NEGR1: variants seen among roughly 807,000 people sequenced by gnomAD.
NEGR1 encodes IgLON family member 4.
NEGR1 carries 10 observed loss-of-function variants against 40.9 expected under a neutral mutation model. That is an observed-to-expected ratio of 0.24 (90% CI 0.15 to 0.42). The LOEUF (loss-of-function observed/expected upper bound fraction) is 0.42, where lower values mean the gene tolerates loss of function less well. Among genes scored for constraint, NEGR1 ranks in the 10% least tolerant of loss-of-function variants. The pLI is 1.00. For synonymous variants in NEGR1, 185 were observed against 166.8 expected, an observed-to-expected ratio of 1.11 and a Z score of -0.84; for missense variants, 352 against 438.9, an observed-to-expected ratio of 0.80 and a Z score of 1.77.
At chr1:72,032,356 G>A (rs1646865800) in intron 1 of NEGR1, among the ~76,000 whole-genome samples, 2 of 152,174 alleles carry the variant, frequency 1.3e-5, no homozygotes, top group South Asian at 4.1e-4. Context: ...AATGGGCAGA[G>A]TAGGAAGGTA....
chr1:72,122,442 T>C (rs1380245263), intron 1 of NEGR1, among the ~76,000 whole-genome samples: 1 of 151,988 alleles, frequency 6.6e-6, no homozygotes, highest in Non-Finnish European at 1.5e-5. Context: ...CCCAATCCAT[T>C]TAGTAACTTT....
At chr1:72,137,832 A>C (rs1317072328) in intron 1 of NEGR1, among the ~76,000 whole-genome samples, 1 of 152,186 alleles carries the variant, frequency 6.6e-6, no homozygotes, top group Admixed American at 6.5e-5. Flanking sequence ...CATTGCATAC[A>C]GAAGACCACT....
intron 1 of NEGR1, among the ~76,000 whole-genome samples, chr1:72,042,155 G>C (rs1191817027): frequency 6.6e-6 from 1 of 151,470 alleles, no homozygotes; most frequent in Non-Finnish European, 1.5e-5. Flanking sequence ...AGAAAGAAGA[G>C]AGATGGTATC....
chr1:71,882,558 T>C (rs1660611009), intron 2 of NEGR1, among the ~76,000 whole-genome samples: 1 of 152,026 alleles, frequency 6.6e-6, no homozygotes, highest in South Asian at 2.1e-4. Flanking sequence ...CTGACTGTCT[T>C]GCAAACACAA....
At chr1:71,929,332 A>G (rs1262998046) in intron 2 of NEGR1, among the ~76,000 whole-genome samples, 1 of 152,120 alleles carries the variant, frequency 6.6e-6, no homozygotes, top group Non-Finnish European at 1.5e-5. Context: ...ACGACACATA[A>G]CGGGTTATTA....
intron 5 of NEGR1, among the ~76,000 whole-genome samples, chr1:71,596,238 C>T (rs1359041841): frequency 1.3e-5 from 2 of 152,206 alleles, no homozygotes; most frequent in Admixed American, 6.5e-5. Flanking sequence ...CTGTCCTCTA[C>T]TCTCTGACAC....
chr1:71,930,040 T>C (rs996244570), intron 2 of NEGR1, among the ~76,000 whole-genome samples: 27 of 152,274 alleles, frequency 1.8e-4, no homozygotes, highest in African/African-American at 6.0e-4. Context: ...GAAATAATAT[T>C]TGTGGAGTTT....
intron 1 of NEGR1, among the ~76,000 whole-genome samples, chr1:72,243,646 G>A (rs1196829902): frequency 6.6e-6 from 1 of 151,384 alleles, no homozygotes; most frequent in Non-Finnish European, 1.5e-5. Context: ...TATAATGAGT[G>A]AAAAAACAAA....
chr1:71,976,361 G>A (rs1646303951), intron 1 of NEGR1, among the ~76,000 whole-genome samples: 1 of 152,224 alleles, frequency 6.6e-6, no homozygotes, highest in South Asian at 2.1e-4. Context: ...AAAGAGTAAT[G>A]AGGTGGGTGT....
intron 2 of NEGR1, among the ~76,000 whole-genome samples, chr1:71,917,770 A>C (rs1413176349): frequency 1.5e-5 from 2 of 129,064 alleles, no homozygotes; most frequent in African/African-American, 6.6e-5. Flanking sequence ...ACAGAGCGAG[A>C]CTCCGTCTTA....
chr1:72,042,498 A>T (rs545195213), intron 1 of NEGR1, among the ~76,000 whole-genome samples: 78 of 152,128 alleles, frequency 5.1e-4, no homozygotes, highest in African/African-American at 1.8e-3. Context: ...AGTTTTGAAC[A>T]TCTGCCAAGC....
At chr1:71,914,946 T>A (rs953129108) in intron 2 of NEGR1, among the ~76,000 whole-genome samples, 2 of 152,212 alleles carry the variant, frequency 1.3e-5, no homozygotes, top group Admixed American at 6.5e-5. Flanking sequence ...TGTGTTCTTA[T>A]TTTTGCTATT....
At chr1:71,634,858 G>A (rs1354576111) in intron 4 of NEGR1, among the ~76,000 whole-genome samples, 1 of 152,052 alleles carries the variant, frequency 6.6e-6, no homozygotes, top group Non-Finnish European at 1.5e-5. Flanking sequence ...TATTAAAATA[G>A]TCCATCTCTA....
intron 1 of NEGR1, among the ~76,000 whole-genome samples, chr1:72,038,113 C>T (rs922639903): frequency 6.6e-6 from 1 of 152,072 alleles, no homozygotes; most frequent in African/African-American, 2.4e-5. Flanking sequence ...GGTTTAAAGC[C>T]TAAATCTAAC....
rs576112991 is a variant in NEGR1, at chr1:71,753,132, C to T, written c.535+23040G>A. Among the ~76,000 whole-genome samples the T allele has an allele frequency of 3.7e-4, 56 of 152,104 alleles. No homozygotes were observed. The South Asian group carries it at 5.2e-3, about 14-fold the overall frequency. On this transcript the variant is annotated intron_variant, in intron 3 of 6. Transcript: ENST00000357731. ...AGGTTCTTTCACTCAAAAATGCAAA[C>T]ATACTACCTATAATATAGGTATTTT...
At chr1:71,796,145 T>C (rs1048585539) in intron 2 of NEGR1, among the ~76,000 whole-genome samples, 4 of 152,184 alleles carry the variant, frequency 2.6e-5, no homozygotes, top group Non-Finnish European at 5.9e-5. Context: ...TCCAATCTCC[T>C]GACCTCTCTA....
intron 1 of NEGR1, among the ~76,000 whole-genome samples, chr1:72,053,523 T>C (rs939612411): frequency 1.3e-5 from 2 of 151,108 alleles, no homozygotes; most frequent in Non-Finnish European, 3.0e-5. Flanking sequence ...CTTTTGAAAA[T>C]GACCTTTTAT....
intron 1 of NEGR1, among the ~76,000 whole-genome samples, chr1:71,970,978 G>T (rs185804130): frequency 6.6e-6 from 1 of 152,182 alleles, no homozygotes; most frequent in South Asian, 2.1e-4. Flanking sequence ...TAGGAAAGAG[G>T]GTCTTTACAG....
intron 1 of NEGR1, among the ~76,000 whole-genome samples, chr1:72,153,334 CA>C (rs1224774184): frequency 6.6e-6 from 1 of 151,804 alleles, no homozygotes; most frequent in African/African-American, 2.4e-5. Flanking sequence ...AAGGCACACA[CA>C]AATACAAAAG....
Sources: allele counts gnomAD v4.1 joint callset (sites outside exome capture counted in the v4.1 genomes callset), GRCh38; gene constraint gnomAD v4.1.1; transcripts MANE v1.5; gene names NCBI Gene and HGNC (gene_info 2026-07-23, HGNC 2026-07-21).